LYRM4: variants seen among roughly 807,000 people sequenced by gnomAD.
The protein encoded by LYRM4 is LYR motif containing 4, also known as LYR motif-containing protein 4.
A neutral mutation model predicts 11.7 loss-of-function variants in LYRM4; 9 were observed. That is an observed-to-expected ratio of 0.77 (90% CI 0.46 to 1.34). LYRM4 has a LOEUF of 1.34. Among genes scored for constraint, LYRM4 ranks in the 40% most tolerant of loss-of-function variants. LYRM4 has a pLI of 0.00. For missense variants in LYRM4, 133 were observed against 112.5 expected, an observed-to-expected ratio of 1.18 and a Z score of -0.82; for synonymous variants, 42 against 40.4, an observed-to-expected ratio of 1.04 and a Z score of -0.15.
At position 5,175,104 on chromosome 6, in the gene LYRM4, A is replaced by G. The variant is rs754233559; in HGVS notation, c.207+41514T>C. ...AGAAGCAATGGCATTCCAGACCCCA[A>G]TGTGGAAATTTCTGGGGATAAACAT... On this transcript the variant is annotated intron_variant, in intron 2 of 2. Transcript: ENST00000330636. Among the ~76,000 whole-genome samples, 14 of 152,316 alleles carry G rather than the reference A, an allele frequency of 9.2e-5. No individual in the cohort carries two copies. The South Asian group carries it at 1.7e-3, about 18-fold the overall frequency.
chr6:5,121,462 C>T (rs540744873), intron 2 of LYRM4, among the ~76,000 whole-genome samples: 1 of 152,280 alleles, frequency 6.6e-6, no homozygotes, highest in South Asian at 2.1e-4. Flanking sequence ...GCAGAGAAGG[C>T]CACATGGGAA....
intron 2 of LYRM4, chr6:5,136,825 T>C: frequency 7.1e-6 from 7 of 985,314 alleles, no homozygotes; most frequent in Non-Finnish European, 8.4e-6. Flanking sequence ...TCCTGATGTC[T>C]CTTAACAGCT....
At chr6:5,135,731 G>A (rs1409923804) in intron 2 of LYRM4, among the ~76,000 whole-genome samples, 1 of 152,116 alleles carries the variant, frequency 6.6e-6, no homozygotes, top group Non-Finnish European at 1.5e-5. Flanking sequence ...ACACAATACT[G>A]ATGTGTATGT....
chr6:5,094,500 A>G, the LYRM4 span, among the ~76,000 whole-genome samples: 1 of 152,184 alleles, frequency 6.6e-6, no homozygotes, highest in Non-Finnish European at 1.5e-5. Context: ...AAAACAAAAC[A>G]ACAAATTAGA....
chr6:5,119,171 C>T (rs531874703), intron 2 of LYRM4, among the ~76,000 whole-genome samples: 23 of 152,144 alleles, frequency 1.5e-4, no homozygotes, highest in Non-Finnish European at 2.9e-4. Context: ...AGTGGGGAGT[C>T]GGCCTCTTAT....
the LYRM4 span, chr6:5,086,461 C>A: frequency 3.3e-6 from 5 of 1,536,954 alleles, no homozygotes; most frequent in African/African-American, 5.5e-5. Context: ...CGTCGCGGTC[C>A]ACTTCGCTGT....
chr6:5,188,824 C>T (rs1013170484), intron 2 of LYRM4, among the ~76,000 whole-genome samples: 5 of 152,104 alleles, frequency 3.3e-5, no homozygotes, highest in Admixed American at 2.6e-4. Context: ...AGTGCAGTGG[C>T]GCAATCATGG....
downstream of LYRM4, chr6:5,105,074 A>G (rs1206506381): frequency 6.6e-6 from 1 of 152,178 alleles, no homozygotes; most frequent in Non-Finnish European, 1.5e-5. Context: ...CTGAGAAAGT[A>G]ATACATTAAT....
the LYRM4 span, among the ~76,000 whole-genome samples, chr6:5,070,977 G>C: frequency 2.0e-5 from 3 of 151,846 alleles, no homozygotes; most frequent in Non-Finnish European, 4.4e-5. Flanking sequence ...GGATCGCGAG[G>C]TCAGGAGATC....
chr6:5,062,498 T>G, the LYRM4 span, among the ~76,000 whole-genome samples: 3 of 151,988 alleles, frequency 2.0e-5, no homozygotes, highest in Non-Finnish European at 2.9e-5. Context: ...TTTCATGACC[T>G]ATCTGCATTT....
At chr6:5,244,081 C>T (rs1320149897) in intron 1 of LYRM4, among the ~76,000 whole-genome samples, 1 of 152,230 alleles carries the variant, frequency 6.6e-6, no homozygotes, top group South Asian at 2.1e-4. Context: ...TAGGATTTCT[C>T]GACTTTATGA....
the LYRM4 span, among the ~76,000 whole-genome samples, chr6:5,035,455 C>T: frequency 2.0e-5 from 3 of 150,528 alleles, no homozygotes; most frequent in Non-Finnish European, 1.5e-5. Flanking sequence ...TCTGGCTCAG[C>T]GTGCATCGCA....
the LYRM4 span, among the ~76,000 whole-genome samples, chr6:5,069,851 C>T: frequency 9.8e-3 from 1,490 of 152,206 alleles, 26 homozygotes; most frequent in African/African-American, 0.034. Context: ...TATGAACTCC[C>T]CAAGGGCAAG....
chr6:5,157,191 C>T (rs898345664), intron 2 of LYRM4, among the ~76,000 whole-genome samples: 7 of 152,080 alleles, frequency 4.6e-5, no homozygotes, highest in Admixed American at 3.9e-4. Context: ...AAGCACTCAA[C>T]GCAAAAAAGT....
intron 2 of LYRM4, among the ~76,000 whole-genome samples, chr6:5,178,804 CA>C (rs56880549): frequency 1.3e-4 from 4 of 30,024 alleles, no homozygotes; most frequent in Admixed American, 6.8e-4. Context: ...GACTCTGTCT[CA>C]AAAAAAAAAA....
At chr6:5,249,663 G>A (rs1034477754) in intron 1 of LYRM4, among the ~76,000 whole-genome samples, 4 of 152,294 alleles carry the variant, frequency 2.6e-5, no homozygotes, top group Admixed American at 6.5e-5. Context: ...CCCGACAACA[G>A]CCAGGAGGAC....
chr6:5,062,307 TAATA>T, the LYRM4 span, among the ~76,000 whole-genome samples: 1 of 91,560 alleles, frequency 1.1e-5, no homozygotes, highest in East Asian at 2.2e-4. Context: ...ACATATTAAT[TAATA>T]TATTTATAAC....
Position 5,175,860 on chromosome 6 carries a change from C to T in LYRM4, c.207+40758G>A, listed in dbSNP as rs993523596. ...AGGCTACCACGATGTGAGGAAGCCCCGGCCACACAGACATTCTGCTCTACA... is the reference window on the plus strand; with the variant it reads ...AGGCTACCACGATGTGAGGAAGCCCTGGCCACACAGACATTCTGCTCTACA... On this transcript the variant is annotated intron_variant, in intron 2 of 2. Coordinates refer to ENST00000330636, the MANE Select transcript of LYRM4 (RefSeq NM_020408.6). Among the ~76,000 whole-genome samples the T allele has an allele frequency of 2.3e-4, 35 of 152,106 alleles. 1 individual carries two copies. Among genetic ancestry groups the T allele is most frequent in the African/African-American group, 8.5e-4 (35 of 41,412 alleles).
At chr6:5,143,009 C>G (rs1438178356) in intron 2 of LYRM4, among the ~76,000 whole-genome samples, 2 of 152,248 alleles carry the variant, frequency 1.3e-5, no homozygotes, top group African/African-American at 4.8e-5. Flanking sequence ...TGACTCCCCA[C>G]GTGGCTGCAT....
Sources: allele counts gnomAD v4.1 joint callset (sites outside exome capture counted in the v4.1 genomes callset), GRCh38; gene constraint gnomAD v4.1.1; transcripts MANE v1.5; gene names NCBI Gene and HGNC (gene_info 2026-07-23, HGNC 2026-07-21).